The following MYRIP variants were observed in gnomAD, a reference collection of about 807,000 sequenced individuals.
MYRIP encodes myosin VIIA and Rab interacting protein, also known as rab effector MyRIP.
In MYRIP, 49 loss-of-function variants were observed where a neutral mutation model predicts 98.0. That is an observed-to-expected ratio of 0.50 (90% CI 0.40 to 0.63). The LOEUF (loss-of-function observed/expected upper bound fraction) is 0.63. MYRIP is among the 30% of genes least tolerant of loss of function. MYRIP has a pLI of 0.00. For missense variants in MYRIP, 1,004 were observed against 1,058.2 expected (o/e 0.95, Z 0.71); for synonymous variants, 404 against 409.5 (o/e 0.99, Z 0.16).
At chr3:40,064,437 A>C (rs1948086513) in intron 3 of MYRIP, among the ~76,000 whole-genome samples, 1 of 152,230 alleles carries the variant, frequency 6.6e-6, no homozygotes, top group South Asian at 2.1e-4. Flanking sequence ...ATGGATGATT[A>C]AAATACAAGT....
At chr3:40,082,940 A>G (rs1948511943) in intron 3 of MYRIP, among the ~76,000 whole-genome samples, 1 of 152,232 alleles carries the variant, frequency 6.6e-6, no homozygotes, top group Non-Finnish European at 1.5e-5. Flanking sequence ...ATAGGCCAGA[A>G]TAATATTGGA....
At chr3:40,055,755 G>A (rs1039101348) in intron 3 of MYRIP, among the ~76,000 whole-genome samples, 2 of 152,076 alleles carry the variant, frequency 1.3e-5, no homozygotes, top group Non-Finnish European at 2.9e-5. Context: ...AACAAACCTT[G>A]TTACAATGTC....
intron 2 of MYRIP, among the ~76,000 whole-genome samples, chr3:40,002,718 A>C (rs990396567): frequency 6.6e-6 from 1 of 152,128 alleles, no homozygotes; most frequent in African/African-American, 2.4e-5. Context: ...GCCAGTAATC[A>C]CACACAGACA....
Position 40,021,631 on chromosome 3 carries a change from G to T in MYRIP, c.111-22419G>T, listed in dbSNP as rs551288561. On this transcript the variant is annotated intron_variant, in intron 2 of 16. Coordinates refer to ENST00000302541, the MANE Select transcript of MYRIP (RefSeq NM_015460.4). ...CTCAAGGTCAAATCTACATCAGTGTGCCCAACAACAGGAAGAAAATTCTCT... is the reference window on the plus strand; with the variant it reads ...CTCAAGGTCAAATCTACATCAGTGTTCCCAACAACAGGAAGAAAATTCTCT... 2.2e-4 allele frequency among the ~76,000 whole-genome samples: 34 copies of T among 152,284 alleles called. No homozygotes were observed. In the Middle Eastern group the frequency reaches 0.01, roughly 46 times the overall value.
chr3:39,994,968 G>A (rs982124561), intron 2 of MYRIP, among the ~76,000 whole-genome samples: 1 of 152,202 alleles, frequency 6.6e-6, no homozygotes, highest in African/African-American at 2.4e-5. Context: ...CAGACCTGCA[G>A]CTGAGGGTCC....
intron 3 of MYRIP, among the ~76,000 whole-genome samples, chr3:40,084,136 C>CAA (rs753167019): frequency 5.4e-5 from 3 of 55,056 alleles, no homozygotes; most frequent in African/African-American, 2.4e-4. Context: ...GACTCCATCT[C>CAA]AAAAAAAAAA....
At chr3:40,069,412 T>C (rs1176200679) in intron 3 of MYRIP, among the ~76,000 whole-genome samples, 1 of 144,478 alleles carries the variant, frequency 6.9e-6, no homozygotes, top group East Asian at 1.9e-4. Flanking sequence ...TTTTTTTTGC[T>C]TTTTAAAGTG....
At chr3:40,219,207 A>C (rs1035219977) in intron 11 of MYRIP, among the ~76,000 whole-genome samples, 1 of 152,216 alleles carries the variant, frequency 6.6e-6, no homozygotes, top group Non-Finnish European at 1.5e-5. Context: ...TAAGTAAAAG[A>C]AGCTACACAA....
intron 7 of MYRIP, among the ~76,000 whole-genome samples, chr3:40,169,105 G>C (rs1460774286): frequency 1.3e-5 from 2 of 152,194 alleles, no homozygotes; most frequent in East Asian, 3.9e-4. Context: ...TGCAATGTTG[G>C]AAGAGGGACA....
intron 11 of MYRIP, among the ~76,000 whole-genome samples, chr3:40,221,042 C>CAAAAAAAAAAAAAAA (rs150976340): frequency 4.9e-5 from 3 of 61,610 alleles, no homozygotes; most frequent in Non-Finnish European, 6.3e-5. Context: ...GGCAAGTCAC[C>CAAAAAAAAAAAAAAA]AAAAAAAAAA....
chr3:40,049,502 G>A (rs1374354712), intron 3 of MYRIP, among the ~76,000 whole-genome samples: 1 of 152,002 alleles, frequency 6.6e-6, no homozygotes, highest in Non-Finnish European at 1.5e-5. Flanking sequence ...TCAGTATTGT[G>A]TGTGTTCTGA....
chr3:40,255,792 G>A (rs563334854), intron 16 of MYRIP, among the ~76,000 whole-genome samples: 6 of 152,296 alleles, frequency 3.9e-5, no homozygotes, highest in Admixed American at 6.5e-5. Context: ...ATACAAATTA[G>A]AGAATAGTGT....
chr3:40,007,316 T>A (rs999491467), intron 2 of MYRIP, among the ~76,000 whole-genome samples: 6 of 149,890 alleles, frequency 4.0e-5, no homozygotes, highest in Admixed American at 2.0e-4. Flanking sequence ...GGCTGTCCTC[T>A]GACTTTGCAT....
intron 3 of MYRIP, among the ~76,000 whole-genome samples, chr3:40,135,794 G>T (rs1949751697): frequency 6.6e-6 from 1 of 152,314 alleles, no homozygotes; most frequent in East Asian, 1.9e-4. Flanking sequence ...AGCTTCATAA[G>T]TGAAGGAGAA....
At chr3:39,930,397 CT>C (rs1944508253) in intron 2 of MYRIP, among the ~76,000 whole-genome samples, 1 of 151,814 alleles carries the variant, frequency 6.6e-6, no homozygotes. Flanking sequence ...GGTTACTTGT[CT>C]TTTTATTACT....
intron 2 of MYRIP, among the ~76,000 whole-genome samples, chr3:39,978,423 C>T (rs1945806423): frequency 1.3e-5 from 2 of 152,146 alleles, no homozygotes. Flanking sequence ...TAGTGTCTCC[C>T]ATAGCAGTCT....
intron 3 of MYRIP, among the ~76,000 whole-genome samples, chr3:40,049,564 C>T (rs1302985802): frequency 1.3e-5 from 2 of 151,862 alleles, no homozygotes; most frequent in Non-Finnish European, 2.9e-5. Context: ...CCCAGGCCTC[C>T]TTATTCCCTG....
At chr3:39,850,125 C>T (rs552945944) in intron 1 of MYRIP, among the ~76,000 whole-genome samples, 2 of 152,248 alleles carry the variant, frequency 1.3e-5, no homozygotes, top group Admixed American at 6.5e-5. Flanking sequence ...TAGGGGGAAG[C>T]TGCAAACCTC....
chr3:39,819,387 A>G (rs1247587922), intron 1 of MYRIP, among the ~76,000 whole-genome samples: 1 of 152,142 alleles, frequency 6.6e-6, no homozygotes. Flanking sequence ...AACTGGTAAG[A>G]GTTTAAATGG....
Sources: gnomAD v4.1 joint callset for allele counts (sites outside exome capture counted in the v4.1 genomes callset) on GRCh38, gnomAD v4.1.1 for gene constraint, MANE v1.5 for transcripts, NCBI Gene and HGNC (gene_info 2026-07-23, HGNC 2026-07-21) for gene names.